Variants in PROCR observed in about 807,000 individuals in gnomAD.
PROCR encodes the protein endothelial protein C receptor.
A neutral mutation model predicts 24.2 loss-of-function variants in PROCR; 22 were observed. The observed-to-expected ratio is 0.91, with a 90% CI of 0.65 to 1.30. The LOEUF (loss-of-function observed/expected upper bound fraction) is 1.30. Ranked by LOEUF, PROCR falls within the 50% of genes most tolerant of loss-of-function variation. PROCR has a pLI of 0.00. For missense variants in PROCR, 288 were observed against 307.7 expected (o/e 0.94, Z 0.48); for synonymous variants, 137 against 139.2 (o/e 0.98, Z 0.11).
chr20:35,174,753 A>G lies in PROCR; in HGVS notation c.122A>G (p.His41Arg). ...ATCTCCTACTTCCGCGACCCCTATCACGTGTGGTACCAGGGCAACGCGTCG... is the reference window on the plus strand; with the variant it reads ...ATCTCCTACTTCCGCGACCCCTATCGCGTGTGGTACCAGGGCAACGCGTCG... ...LQISYFRDPY[H>R]VWYQGNASLG... Residue 41 changes from histidine to arginine, a missense_variant, in exon 2 of 4, where the codon CAC becomes CGC. His to Arg is a conservative substitution (Grantham distance 29). Transcript: ENST00000216968. 6.2e-7 allele frequency: 1 copy of G among 1,613,810 alleles called. No homozygotes were observed. Among genetic ancestry groups the G allele is most frequent in the Non-Finnish European group, 8.5e-7 (1 of 1,179,962 alleles).
chr20:35,184,925 G>A (rs143975064), intron 1 of PROCR, among the ~76,000 whole-genome samples: 5,115 of 150,680 alleles, frequency 0.034, 126 homozygotes, highest in Non-Finnish European at 0.052. Context: ...ACAGTCAGCA[G>A]AGTAAACAGA....
chr20:35,178,194 A>G (rs6060281), downstream of PROCR, among the ~76,000 whole-genome samples: 224 of 151,940 alleles, frequency 1.5e-3, 1 homozygote, highest in African/African-American at 5.1e-3. Flanking sequence ...ACTTGAGGTC[A>G]GGAGTTCAAG....
intron 1 of PROCR, among the ~76,000 whole-genome samples, chr20:35,208,915 T>G (rs1310005133): frequency 6.6e-6 from 1 of 150,772 alleles, no homozygotes; most frequent in African/African-American, 2.4e-5. Flanking sequence ...GAGGCTGTAG[T>G]GAGCCGAGAT....
Position 35,203,479 on chromosome 20 carries a change from T to C in PROCR, c.95-12414T>C, listed in dbSNP as rs555898094. Among the ~76,000 whole-genome samples, 5 of 152,068 alleles carry C rather than the reference T, an allele frequency of 3.3e-5. No homozygotes were observed. The South Asian group carries it at 1.0e-3, about 32-fold the overall frequency. ...TTCTTTTTAGACGAACTCTTGGGCGTGATAGTGCGCGCCTGTAATCTCAGC... is the reference window on the plus strand; with the variant it reads ...TTCTTTTTAGACGAACTCTTGGGCGCGATAGTGCGCGCCTGTAATCTCAGC... On this transcript the variant is annotated intron_variant, in intron 1 of 1. Coordinates refer to the PROCR transcript ENST00000634509.
At position 35,176,726 on chromosome 20, in the gene PROCR, G is replaced by A. The variant is rs558494965; in HGVS notation, c.630G>A (p.Ser210=). The change falls in exon 4 of 4, where the codon TCG becomes TCA. Residue 210 remains serine (S), a synonymous_variant. Transcript: ENST00000216968. The part of the protein sequence containing the change: ...KGSQTSRSYT[S]LVLGVLVGSF... ...GCCAAACAAGCCGCTCCTACACTTC[G>A]CTGGTCCTGGGCGTCCTGGTGGGCA... is the stretch of plus-strand genomic sequence containing the variant. 4.3e-6 allele frequency: 7 copies of A among 1,613,080 alleles called. No homozygotes were observed. In the East Asian group the frequency reaches 6.7e-5, roughly 15 times the overall value.
rs2086030155 is a variant in PROCR at position 35,177,303 on chromosome 20, A to G, written c.*490A>G. 9 of 994,698 alleles carry G rather than the reference A, an allele frequency of 9.0e-6. No individual in the cohort carries two copies. The South Asian group carries it at 4.0e-4, about 44-fold the overall frequency. The allele number at this position is 994,698 out of a possible 1,614,324, so 61.6% of individuals were successfully genotyped here. On this transcript the variant is annotated 3_prime_UTR_variant, in exon 4 of 4. Coordinates refer to ENST00000216968, the MANE Select transcript of PROCR (RefSeq NM_006404.5). ...GGTGGAAATGTAAAATCCAAGTCAT[A>G]TGGCAGTGATCAATTATTAATCAAT...
intron 1 of PROCR, among the ~76,000 whole-genome samples, chr20:35,204,723 A>C (rs111842122): frequency 0.017 from 2,590 of 152,018 alleles, 51 homozygotes; most frequent in African/African-American, 0.059. Flanking sequence ...AGAAAGAAAT[A>C]GTATCAATTC....
intron 1 of PROCR, among the ~76,000 whole-genome samples, chr20:35,209,243 T>C (rs6120869): frequency 0.044 from 6,693 of 152,112 alleles, 496 homozygotes; most frequent in African/African-American, 0.15. Context: ...TGGGGGAGGT[T>C]AAAGAGACAT....
chr20:35,189,897 GTT>G (rs1352842076), intron 1 of PROCR, among the ~76,000 whole-genome samples: 1 of 152,168 alleles, frequency 6.6e-6, no homozygotes, highest in Non-Finnish European at 1.5e-5. Context: ...GAATTGAAGA[GTT>G]TTGAGGAAGG....
chr20:35,190,542 C>T (rs2146162833), intron 1 of PROCR, among the ~76,000 whole-genome samples: 1 of 152,216 alleles, frequency 6.6e-6, no homozygotes, highest in South Asian at 2.1e-4. Flanking sequence ...TTTTTCTCAG[C>T]AAAACAAAAG....
intron 1 of PROCR, among the ~76,000 whole-genome samples, chr20:35,215,643 C>T (rs2060379688): frequency 1.3e-5 from 2 of 152,088 alleles, no homozygotes; most frequent in Admixed American, 6.6e-5. Context: ...TAGTGTCAGA[C>T]ACTTGGGTTC....
At chr20:35,210,800 C>T (rs2060360231) in intron 1 of PROCR, among the ~76,000 whole-genome samples, 1 of 149,540 alleles carries the variant, frequency 6.7e-6, no homozygotes, top group Non-Finnish European at 1.5e-5. Context: ...GCAACCTCCA[C>T]CTCCAGGGTT....
At chr20:35,185,649 T>A (rs1313341706) in intron 1 of PROCR, among the ~76,000 whole-genome samples, 1 of 152,074 alleles carries the variant, frequency 6.6e-6, no homozygotes, top group Non-Finnish European at 1.5e-5. Flanking sequence ...AAACCAAACA[T>A]CATATGTTCT....
intron 1 of PROCR, among the ~76,000 whole-genome samples, chr20:35,188,716 T>G (rs1395241186): frequency 2.6e-5 from 4 of 152,134 alleles, no homozygotes; most frequent in Admixed American, 6.5e-5. Context: ...GAAATCAAAT[T>G]TTAGTACCAG....
chr20:35,198,996 G>T (rs752395467), intron 1 of PROCR, among the ~76,000 whole-genome samples: 1 of 152,156 alleles, frequency 6.6e-6, no homozygotes, highest in East Asian at 1.9e-4. Flanking sequence ...TTACAGGCAT[G>T]AGCCACCATG....
Position 35,184,467 on chromosome 20 carries a change from C to T in PROCR, c.94+8021C>T, listed in dbSNP as rs2086105256. Among the ~76,000 whole-genome samples, 4 of 151,644 alleles carry T rather than the reference C, an allele frequency of 2.6e-5. No homozygotes were observed. The South Asian group carries it at 6.3e-4, about 24-fold the overall frequency. ...CTGTAATCCTAGCACTTTGGGAGGCCGAGGCGGGCAGATCACGAGGTCAGG... is the reference window on the plus strand; with the variant it reads ...CTGTAATCCTAGCACTTTGGGAGGCTGAGGCGGGCAGATCACGAGGTCAGG... On this transcript the variant is annotated intron_variant, in intron 1 of 1. Coordinates refer to the PROCR transcript ENST00000634509.
intron 2 of PROCR, among the ~76,000 whole-genome samples, chr20:35,175,173 G>T (rs964415698): frequency 6.6e-6 from 1 of 152,022 alleles, no homozygotes; most frequent in Admixed American, 6.5e-5. Flanking sequence ...CGGTCGTCCT[G>T]CTGGCATAAC....
At chr20:35,214,608 G>T (rs1400213217) in intron 1 of PROCR, among the ~76,000 whole-genome samples, 4 of 149,970 alleles carry the variant, frequency 2.7e-5, no homozygotes, top group Non-Finnish European at 5.9e-5. Context: ...AGAATTGCTT[G>T]AACCCAGGAG....
intron 1 of PROCR, among the ~76,000 whole-genome samples, chr20:35,208,585 A>G (rs1213877307): frequency 6.6e-6 from 1 of 152,152 alleles, no homozygotes; most frequent in African/African-American, 2.4e-5. Flanking sequence ...TACCGTGAAC[A>G]TAGCAATAGG....
Sources: allele counts gnomAD v4.1 joint callset (sites outside exome capture counted in the v4.1 genomes callset), GRCh38; gene constraint gnomAD v4.1.1; transcripts MANE v1.5; gene names NCBI Gene and HGNC (gene_info 2026-07-23, HGNC 2026-07-21).